Variants in FER observed in about 807,000 individuals in gnomAD.
FER encodes the protein tyrosine-protein kinase Fer.
In FER, 63 loss-of-function variants were observed where a neutral mutation model predicts 111.0. The observed-to-expected ratio is 0.57, with a 90% CI of 0.46 to 0.70. The LOEUF is 0.70. Among genes scored for constraint, FER ranks in the 30% least tolerant of loss-of-function variants. FER has a pLI of 0.00. For missense variants in FER, 914 were observed against 954.0 expected (o/e 0.96, Z 0.55); for synonymous variants, 327 against 313.9 (o/e 1.04, Z -0.44).
At chr5:108,849,966 T>C (rs1484270023) in intron 5 of FER, among the ~76,000 whole-genome samples, 1 of 151,818 alleles carries the variant, frequency 6.6e-6, no homozygotes. Flanking sequence ...CCAAGGCGGG[T>C]GGATCATGAG....
Position 108,954,885 on chromosome 5 carries a change from G to A in FER, c.1486G>A (p.Val496Ile). 2 of 1,611,008 alleles carry A rather than the reference G, an allele frequency of 1.2e-6. No individual in the cohort carries two copies. The highest frequency in any genetic ancestry group is 1.7e-6 in the Non-Finnish European group (2 of 1,178,820). ...HGKPGEYVLS[V>I]YSDGQRRHFI... ...GAAACCTGGTGAATATGTCCTTTCT[G>A]TATATTCTGATGGACAGAGGAGACA... The change falls in exon 12 of 20, where the codon GTA becomes ATA. Residue 496 changes from valine to isoleucine, a missense_variant. By Grantham distance (29) the Val-to-Ile change is conservative. Around this residue, in one of 3 missense-constraint regions of FER, gnomAD observed 774 missense variants for 782.6 expected, o/e 0.99. Coordinates refer to ENST00000281092, the MANE Select transcript of FER (RefSeq NM_005246.4).
chr5:108,907,747 C>G (rs901940934), intron 10 of FER, among the ~76,000 whole-genome samples: 1 of 152,166 alleles, frequency 6.6e-6, no homozygotes, highest in Admixed American at 6.5e-5. Flanking sequence ...ACTAAGTACT[C>G]TGATGAAATT....
intron 5 of FER, among the ~76,000 whole-genome samples, chr5:108,860,203 A>C (rs942176267): frequency 6.6e-6 from 1 of 151,626 alleles, no homozygotes; most frequent in African/African-American, 2.4e-5. Context: ...AGTCCCCCAA[A>C]GTGCTGGGAT....
At chr5:108,778,296 ATTTCAACTC>A (rs899070381) in intron 2 of FER, among the ~76,000 whole-genome samples, 1 of 152,190 alleles carries the variant, frequency 6.6e-6, no homozygotes. Context: ...TGGATATAAA[ATTTCAACTC>A]TTTCCATACC....
intron 3 of FER, among the ~76,000 whole-genome samples, chr5:108,801,550 C>T (rs1756649677): frequency 6.6e-6 from 1 of 152,208 alleles, no homozygotes; most frequent in South Asian, 2.1e-4. Flanking sequence ...ATGCCTTCCA[C>T]CCACACATTT....
intron 13 of FER, among the ~76,000 whole-genome samples, chr5:108,996,234 T>A (rs1351306065): frequency 6.6e-6 from 1 of 152,202 alleles, no homozygotes; most frequent in Non-Finnish European, 1.5e-5. Flanking sequence ...TGATGATAGT[T>A]TCTTTTGCTG....
At chr5:108,894,759 G>T (rs745644422) in intron 9 of FER, 2 of 183,508 alleles carry the variant, frequency 1.1e-5, no homozygotes, top group South Asian at 1.1e-4. Flanking sequence ...AGCAAGACAC[G>T]TCTTACATGG....
intron 17 of FER, among the ~76,000 whole-genome samples, chr5:109,135,593 A>T (rs540781251): frequency 1.6e-4 from 25 of 152,286 alleles, no homozygotes; most frequent in African/African-American, 5.8e-4. Context: ...GGTTTGAACA[A>T]GGGAAACAAG....
At chr5:108,822,653 C>T (rs1308416845) in intron 3 of FER, among the ~76,000 whole-genome samples, 2 of 151,960 alleles carry the variant, frequency 1.3e-5, no homozygotes, top group Admixed American at 1.3e-4. Flanking sequence ...GACCCAAACA[C>T]CTTCCATTAG....
At chr5:108,860,794 AG>A (rs1212017200) in intron 5 of FER, among the ~76,000 whole-genome samples, 3 of 152,192 alleles carry the variant, frequency 2.0e-5, no homozygotes, top group Non-Finnish European at 4.4e-5. Context: ...TAAAGAAAAG[AG>A]GTTTAATTGG....
intron 13 of FER, among the ~76,000 whole-genome samples, chr5:108,980,153 A>T (rs778007253): frequency 3.9e-5 from 6 of 152,086 alleles, no homozygotes; most frequent in African/African-American, 2.4e-5. Flanking sequence ...ACAAAATCAA[A>T]TTTTTTTCTT....
At chr5:108,879,209 GAAT>G (rs1280536521) in intron 8 of FER, among the ~76,000 whole-genome samples, 3 of 151,800 alleles carry the variant, frequency 2.0e-5, no homozygotes, top group Non-Finnish European at 2.9e-5. Flanking sequence ...AAAATATAAA[GAAT>G]AAGCCATTTG....
chr5:109,058,687 T>TTTG (rs1224646660), intron 16 of FER, among the ~76,000 whole-genome samples: 1 of 151,160 alleles, frequency 6.6e-6, no homozygotes, highest in Non-Finnish European at 1.5e-5. Flanking sequence ...ATGATATAAT[T>TTTG]TTGTGCTATC....
intron 16 of FER, among the ~76,000 whole-genome samples, chr5:109,070,853 G>C (rs1581898949): frequency 6.6e-6 from 1 of 151,898 alleles, no homozygotes; most frequent in Admixed American, 6.6e-5. Context: ...AATTAATGCA[G>C]TCATTTTGTA....
chr5:108,909,342 T>C (rs1441874114), intron 10 of FER, among the ~76,000 whole-genome samples: 1 of 152,210 alleles, frequency 6.6e-6, no homozygotes, highest in African/African-American at 2.4e-5. Flanking sequence ...CCACTGTTAA[T>C]TTTTTAAATC....
intron 16 of FER, among the ~76,000 whole-genome samples, chr5:109,075,509 C>T (rs867129170): frequency 5.3e-5 from 8 of 151,278 alleles, no homozygotes; most frequent in East Asian, 2.0e-4. Context: ...CTGCAAGCTC[C>T]GCCTCCCAGG....
intron 7 of FER, 75 bp downstream of exon 7, chr5:108,871,577 A>C: frequency 1.8e-6 from 2 of 1,083,368 alleles, no homozygotes; most frequent in Non-Finnish European, 2.6e-6. Context: ...AACCACAGAT[A>C]AAAATAAGAA....
At chr5:108,912,260 A>G (rs1489995750) in intron 10 of FER, among the ~76,000 whole-genome samples, 1 of 152,216 alleles carries the variant, frequency 6.6e-6, no homozygotes, top group East Asian at 1.9e-4. Flanking sequence ...AAGTCAGGTA[A>G]TATGATGCCT....
chr5:108,983,431 T>C (rs542325241), intron 13 of FER, among the ~76,000 whole-genome samples: 2 of 152,218 alleles, frequency 1.3e-5, no homozygotes, highest in African/African-American at 4.8e-5. Flanking sequence ...TCTAATTATA[T>C]TTTAAAATTG....
Sources: gnomAD v4.1 joint callset for allele counts (sites outside exome capture counted in the v4.1 genomes callset) on GRCh38, gnomAD v4.1.1 for gene constraint, gnomAD v4.1.1 regional missense constraint, MANE v1.5 for transcripts, NCBI Gene and HGNC (gene_info 2026-07-23, HGNC 2026-07-21) for gene names.